The following LRRK2 variants were observed in gnomAD, a reference collection of about 807,000 sequenced individuals.
LRRK2 encodes the protein leucine rich repeat kinase 2, also known as leucine-rich repeat serine/threonine-protein kinase 2.
A neutral mutation model predicts 302.6 loss-of-function variants in LRRK2; 203 were observed. That is an observed-to-expected ratio of 0.67 (90% confidence interval 0.60 to 0.75). The LOEUF (loss-of-function observed/expected upper bound fraction) is 0.75. Among genes scored for constraint, LRRK2 ranks in the 30% least tolerant of loss-of-function variants. The pLI is 0.00. For synonymous variants in LRRK2, 1,066 were observed against 1,031.9 expected, an observed-to-expected ratio of 1.03 and a Z score of -0.63; for missense variants, 2,830 against 2,951.0, an observed-to-expected ratio of 0.96 and a Z score of 0.95.
Position 40,334,952 on chromosome 12 carries a change from T to C in LRRK2, c.5758-15T>C. On this transcript the variant is annotated splice_polypyrimidine_tract_variant and intron_variant, in intron 39 of 50. Transcript: ENST00000298910. ...TGATGTTGAATTACTCTTACATGAT[T>C]TTGGACTTTTGCAGGAGCTTGTGGT... The C allele has an allele frequency of 4.3e-6, 7 of 1,613,424 alleles. No individual in the cohort carries two copies. The highest frequency in any genetic ancestry group is 5.9e-6 in the Non-Finnish European group (7 of 1,179,926).
At chr12:40,262,349 T>C (rs993629545) in intron 13 of LRRK2, among the ~76,000 whole-genome samples, 2 of 152,150 alleles carry the variant, frequency 1.3e-5, no homozygotes, top group African/African-American at 4.8e-5. Flanking sequence ...ATTATTTTGG[T>C]ATTGTATGGA....
intron 18 of LRRK2, among the ~76,000 whole-genome samples, chr12:40,282,052 T>C (rs867342341): frequency 2.3e-3 from 57 of 24,568 alleles, no homozygotes; most frequent in Non-Finnish European, 3.5e-3. Flanking sequence ...TCCCTTCCCT[T>C]CCCTTCCCTT....
At chr12:40,355,981 T>G in intron 45 of LRRK2, 134 bp from the exon 46 acceptor site, 1 of 639,044 alleles carries the variant, frequency 1.6e-6, no homozygotes, top group South Asian at 1.9e-5. Flanking sequence ...AAGTAAATAC[T>G]CTAAGAAAAG....
intron 8 of LRRK2, among the ~76,000 whole-genome samples, chr12:40,250,835 A>C (rs2136474981): frequency 6.6e-6 from 1 of 152,312 alleles, no homozygotes; most frequent in Non-Finnish European, 1.5e-5. Context: ...AAAGGACATG[A>C]GATAATTCCT....
chr12:40,320,045 A>G lies in LRRK2; in HGVS notation c.4885A>G (p.Arg1629Gly). 6 of 1,611,832 alleles carry G rather than the reference A, an allele frequency of 3.7e-6. No individual in the cohort carries two copies. Among genetic ancestry groups the G allele is most frequent in the Non-Finnish European group, 5.1e-6 (6 of 1,178,578 alleles). The change falls in exon 34 of 51, where the codon AGA becomes GGA. Residue 1629 changes from arginine (R) to glycine (G), a missense_variant. Physicochemically the swap from Arg to Gly is moderately radical, Grantham distance 125. Around this residue, in one of 3 missense-constraint regions of LRRK2, gnomAD observed 2,121 missense variants for 2,148.0 expected, o/e 0.99. Coordinates refer to ENST00000298910, the MANE Select transcript of LRRK2 (RefSeq NM_198578.4). ...ACACCCTAAGGGCATTATTTCGCGT[A>G]GAGATGTGGAAAAATTTCTTTCAAA... Reference protein sequence around the residue: ...PKHPKGIISRRDVEKFLSKKR... With the variant: ...PKHPKGIISRGDVEKFLSKKR...
intron 13 of LRRK2, among the ~76,000 whole-genome samples, chr12:40,260,045 T>TA (rs1942701283): frequency 6.6e-6 from 1 of 152,176 alleles, no homozygotes; most frequent in Admixed American, 6.6e-5. Flanking sequence ...TGTACTCATT[T>TA]ACCTCAATGG....
At chr12:40,257,198 T>C (rs1055554395) in intron 11 of LRRK2, 50 bp from the exon 12 acceptor site, 1 of 1,341,202 alleles carries the variant, frequency 7.5e-7, no homozygotes, top group African/African-American at 1.5e-5. Flanking sequence ...TATGGTAAAA[T>C]TATGAAAATA....
chr12:40,298,749 G>A (rs1462619414), intron 24 of LRRK2, among the ~76,000 whole-genome samples: 2 of 103,312 alleles, frequency 1.9e-5, no homozygotes, highest in Middle Eastern at 5.2e-3. Context: ...TCCAGCCTGG[G>A]TGACAGAGGC....
At chr12:40,327,947 A>T (rs1945600589) in intron 38 of LRRK2, among the ~76,000 whole-genome samples, 1 of 152,236 alleles carries the variant, frequency 6.6e-6, no homozygotes, top group Admixed American at 6.5e-5. Context: ...AAAACTAGTT[A>T]GGAGAAAAGG....
intron 39 of LRRK2, among the ~76,000 whole-genome samples, chr12:40,333,450 A>G (rs1330437821): frequency 1.3e-5 from 2 of 152,136 alleles, no homozygotes; most frequent in African/African-American, 4.8e-5. Context: ...ATACATTTCA[A>G]CAGAGTTACA....
Position 40,305,977 on chromosome 12 carries a change from T to G in LRRK2, c.3959+11T>G. 1 of 1,592,028 alleles carries G rather than the reference T, an allele frequency of 6.3e-7. No homozygotes were observed. Among genetic ancestry groups the G allele is most frequent in the South Asian group, 1.1e-5 (1 of 89,046 alleles). ...CAAAGACATCATAAGGTTAGATAAT[T>G]TTTTTCTATTTGGTTTTACTAAATT... is the stretch of plus-strand genomic sequence containing the variant. On this transcript the variant is annotated intron_variant, in intron 28 of 50. Coordinates refer to ENST00000298910, the MANE Select transcript of LRRK2 (RefSeq NM_198578.4).
Position 40,315,298 on chromosome 12 carries a change from C to T in LRRK2, c.4825C>T (p.Gln1609Ter). The change falls in exon 33 of 51, where the codon CAG (glutamine) becomes TAG (stop). Residue 1609 changes from glutamine to a stop codon, truncating the protein, a stop_gained and splice_region_variant. Transcript: ENST00000298910. LOFTEE classifies it high-confidence loss of function. Reference sequence around the variant, plus strand: ...CAAGTGGCTTTGTAAAATCATGGCACAGGTTGGTGTCTTTTATTTTTGTGG... The same window carrying T: ...CAAGTGGCTTTGTAAAATCATGGCATAGGTTGGTGTCTTTTATTTTTGTGG... ...EPKWLCKIMA[Q>*]ILTVKVEGCP... is the part of the protein sequence containing the mutation. The T allele has an allele frequency of 6.2e-7, 1 of 1,611,220 alleles. No individual in the cohort carries two copies. Among genetic ancestry groups the T allele is most frequent in the Non-Finnish European group, 8.5e-7 (1 of 1,177,630 alleles).
chr12:40,261,882 T>C (rs773801082), intron 13 of LRRK2, among the ~76,000 whole-genome samples: 2 of 152,162 alleles, frequency 1.3e-5, no homozygotes, highest in Admixed American at 1.3e-4. Context: ...TTAAGTTTCT[T>C]TCAATCTATT....
chr12:40,340,699 A>G (rs1469236298), intron 41 of LRRK2, among the ~76,000 whole-genome samples: 1 of 152,222 alleles, frequency 6.6e-6, no homozygotes, highest in Non-Finnish European at 1.5e-5. Context: ...ATATCAAGTT[A>G]TATGTTTTAA....
At chr12:40,269,567 C>A (rs1380118045) in intron 14 of LRRK2, among the ~76,000 whole-genome samples, 1 of 152,056 alleles carries the variant, frequency 6.6e-6, no homozygotes, top group African/African-American at 2.4e-5. Context: ...TATTTTTGCA[C>A]CCTATAAAAT....
intron 38 of LRRK2, 84 bp from the exon 39 acceptor site, chr12:40,328,276 G>A (rs1945610622): frequency 9.7e-7 from 1 of 1,031,900 alleles, no homozygotes; most frequent in African/African-American, 1.6e-5. Flanking sequence ...ATTTACAACA[G>A]ATATAATTAC....
In LRRK2 at chr12:40,236,795, G is replaced by A. The variant is rs74700091; in HGVS notation, c.436+1081G>A. Among the ~76,000 whole-genome samples the A allele has an allele frequency of 9.8e-3, 1,495 of 152,262 alleles. 27 individuals carry two copies. Among genetic ancestry groups the A allele is most frequent in the African/African-American group, 0.034 (1,414 of 41,552 alleles). On this transcript the variant is annotated intron_variant, in intron 4 of 50. Coordinates refer to ENST00000298910, the MANE Select transcript of LRRK2 (RefSeq NM_198578.4). The stretch of plus-strand genomic sequence containing the variant: ...TTTCACTACAGCTTTTTATGACCAT[G>A]TTGTATGGCATGCACTAAGAGTCTT...
chr12:40,263,956 G>T, intron 14 of LRRK2, 55 bp downstream of exon 14: 3 of 1,304,042 alleles, frequency 2.3e-6, no homozygotes, highest in African/African-American at 1.5e-5. Flanking sequence ...TATTAAATTT[G>T]GAGAACTAGG....
At chr12:40,341,718 A>T (rs1205528945) in intron 41 of LRRK2, among the ~76,000 whole-genome samples, 2 of 152,196 alleles carry the variant, frequency 1.3e-5, no homozygotes, top group Non-Finnish European at 2.9e-5. Context: ...TAACTTGCAG[A>T]ATATCACTCA....
Sources: gnomAD v4.1 joint callset for allele counts (sites outside exome capture counted in the v4.1 genomes callset) on GRCh38, gnomAD v4.1.1 for gene constraint, gnomAD v4.1.1 regional missense constraint, MANE v1.5 for transcripts, NCBI Gene and HGNC (gene_info 2026-07-23, HGNC 2026-07-21) for gene names.